Variants in RABGAP1 observed in about 807,000 individuals in gnomAD.
RABGAP1 encodes the protein rab GTPase-activating protein 1.
In RABGAP1, 23 loss-of-function variants were observed where a neutral mutation model predicts 137.6. The observed-to-expected ratio is 0.17, with a 90% confidence interval of 0.12 to 0.24. The LOEUF is 0.24. RABGAP1 is among the 10% of genes least tolerant of loss of function. The pLI is 1.00. For synonymous variants in RABGAP1, 451 were observed against 450.7 expected, an observed-to-expected ratio of 1.00 and a Z score of -0.01; for missense variants, 906 against 1,275.8, an observed-to-expected ratio of 0.71 and a Z score of 4.42.
chr9:123,048,000 G>A (rs1268698506), intron 13 of RABGAP1, among the ~76,000 whole-genome samples: 1 of 135,032 alleles, frequency 7.4e-6, no homozygotes, highest in Non-Finnish European at 1.5e-5. Flanking sequence ...GTGCAATGGC[G>A]CGATCTCGGC....
chr9:122,947,832 T>C (rs1287140208), intron 1 of RABGAP1, among the ~76,000 whole-genome samples: 1 of 152,196 alleles, frequency 6.6e-6, no homozygotes, highest in Non-Finnish European at 1.5e-5. Flanking sequence ...ACTAAAATAA[T>C]TCAAAGAAAT....
the RABGAP1 span, among the ~76,000 whole-genome samples, chr9:122,934,060 C>T: frequency 0.98 from 148,207 of 151,676 alleles, 72,512 homozygotes; most frequent in East Asian, 1. Context: ...TGGCCCTTTT[C>T]CTAACCTTTT....
At position 122,945,148 on chromosome 9, in the gene RABGAP1, T is replaced by TTTTTTTTTTTTTTC. The variant is rs1833879138; in HGVS notation, c.-50+4068_-50+4069insCTTTTTTTTTTTTT. Among the ~76,000 whole-genome samples, 4 of 67,004 alleles carry TTTTTTTTTTTTTTC rather than the reference T, an allele frequency of 6.0e-5. 1 individual carries two copies. Among genetic ancestry groups the TTTTTTTTTTTTTTC allele is most frequent in the African/African-American group, 3.6e-4 (4 of 11,224 alleles). 44.0% of individuals were successfully genotyped at this position (67,004 alleles called of 152,430 possible). On this transcript the variant is annotated intron_variant, in intron 1 of 25. Transcript: ENST00000373647. ...ACCATGTATACATCATAGCTGTTGC[T>TTTTTTTTTTTTTTC]TTTTTTTTTTTTTTTAGCATAAACT...
At chr9:122,977,155 A>G (rs1314323406) in intron 2 of RABGAP1, among the ~76,000 whole-genome samples, 1 of 152,228 alleles carries the variant, frequency 6.6e-6, no homozygotes, top group Admixed American at 6.5e-5. Flanking sequence ...AAGACTGGCA[A>G]TTATAAGTTG....
chr9:123,038,703 T>A (rs1349295358), intron 13 of RABGAP1, among the ~76,000 whole-genome samples: 1 of 151,840 alleles, frequency 6.6e-6, no homozygotes. Context: ...TTTTGTGTAA[T>A]TTTTTTCATT....
intron 13 of RABGAP1, among the ~76,000 whole-genome samples, chr9:123,036,608 C>T (rs1315245220): frequency 1.3e-5 from 2 of 152,006 alleles, no homozygotes; most frequent in Non-Finnish European, 2.9e-5. Context: ...GAAAGTATAC[C>T]GTAGTATACA....
chr9:123,014,499 T>C (rs928467197), intron 11 of RABGAP1, among the ~76,000 whole-genome samples: 2 of 152,178 alleles, frequency 1.3e-5, no homozygotes, highest in African/African-American at 2.4e-5. Flanking sequence ...CTATCTGTTT[T>C]CTATTTTATA....
chr9:123,057,684 T>C (rs956723226), intron 13 of RABGAP1, among the ~76,000 whole-genome samples: 1 of 152,060 alleles, frequency 6.6e-6, no homozygotes, highest in African/African-American at 2.4e-5. Context: ...CTCGGCACTT[T>C]GGGGGGCCAA....
intron 13 of RABGAP1, among the ~76,000 whole-genome samples, chr9:123,048,544 A>G (rs2033321304): frequency 6.6e-6 from 1 of 152,238 alleles, no homozygotes. Context: ...GTCAAACAAT[A>G]CAGTACGTAT....
chr9:122,996,249 A>G (rs1837017206), intron 7 of RABGAP1, 98 bp downstream of exon 7: 23 of 1,448,516 alleles, frequency 1.6e-5, no homozygotes, highest in Non-Finnish European at 2.1e-5. Context: ...ATTTCCAAAG[A>G]ATTTTGTTCC....
intron 13 of RABGAP1, among the ~76,000 whole-genome samples, chr9:123,057,954 G>A (rs1040651374): frequency 1.7e-4 from 26 of 151,876 alleles, no homozygotes; most frequent in South Asian, 1.3e-3. Flanking sequence ...TGGGCAGGCC[G>A]AGGCAGGAGA....
chr9:122,986,155 A>T, intron 3 of RABGAP1, 60 bp from the exon 4 acceptor site: 1 of 1,493,018 alleles, frequency 6.7e-7, no homozygotes, highest in Non-Finnish European at 9.3e-7. Flanking sequence ...TTACTTGCTA[A>T]TCGTATCAAC....
intron 6 of RABGAP1, among the ~76,000 whole-genome samples, chr9:122,994,232 C>T (rs1343389895): frequency 6.6e-6 from 1 of 152,214 alleles, no homozygotes; most frequent in Admixed American, 6.5e-5. Context: ...TGAACACCCA[C>T]TGATTACACT....
At chr9:123,096,945 A>G (rs530034640) in intron 21 of RABGAP1, among the ~76,000 whole-genome samples, 4 of 152,362 alleles carry the variant, frequency 2.6e-5, no homozygotes, top group Admixed American at 6.5e-5. Flanking sequence ...AATAGAGTAT[A>G]GTGGAAAACT....
chr9:123,011,032 A>G (rs1342291904), intron 11 of RABGAP1, among the ~76,000 whole-genome samples: 1 of 150,302 alleles, frequency 6.7e-6, no homozygotes, highest in African/African-American at 2.4e-5. Flanking sequence ...GGCTAAATCT[A>G]TTGAATTAAT....
intron 13 of RABGAP1, among the ~76,000 whole-genome samples, chr9:123,041,681 G>C (rs183932407): frequency 6.6e-6 from 1 of 152,348 alleles, no homozygotes; most frequent in East Asian, 1.9e-4. Context: ...TGGAAATTCA[G>C]TGGACGAGTA....
chr9:123,079,132 C>T (rs1443717156), intron 19 of RABGAP1, among the ~76,000 whole-genome samples: 18 of 151,884 alleles, frequency 1.2e-4, no homozygotes. Context: ...CTTGAATTTG[C>T]CTCACTGTGC....
At chr9:123,015,105 C>A (rs1167187044) in intron 11 of RABGAP1, among the ~76,000 whole-genome samples, 2 of 152,168 alleles carry the variant, frequency 1.3e-5, no homozygotes, top group Non-Finnish European at 2.9e-5. Flanking sequence ...CATGCAATTG[C>A]ATTATATACA....
At position 123,097,863 on chromosome 9, in the gene RABGAP1, C is replaced by T. The variant is rs752612801; in HGVS notation, c.2733+18C>T. 2 of 1,598,536 alleles carry T rather than the reference C, an allele frequency of 1.3e-6. No individual in the cohort carries two copies. Among genetic ancestry groups the T allele is most frequent in the Non-Finnish European group, 1.7e-6 (2 of 1,172,586 alleles). ...CTGCTCAGGTAAGGGAACTCTCCCACATTCCTCTGTCTTGCAAATGCTTGA... is the reference window on the plus strand; with the variant it reads ...CTGCTCAGGTAAGGGAACTCTCCCATATTCCTCTGTCTTGCAAATGCTTGA... On this transcript the variant is annotated intron_variant, in intron 22 of 25. Coordinates refer to ENST00000373647, the MANE Select transcript of RABGAP1 (RefSeq NM_012197.4).
Sources: allele counts gnomAD v4.1 joint callset (sites outside exome capture counted in the v4.1 genomes callset), GRCh38; gene constraint gnomAD v4.1.1; transcripts MANE v1.5; gene names NCBI Gene and HGNC (gene_info 2026-07-23, HGNC 2026-07-21).